NHSL3: variants seen among roughly 807,000 people sequenced by gnomAD.
NHSL3 encodes NHS-like protein 3.
At chr1:32,748,258 G>A in the NHSL3 span, among the ~76,000 whole-genome samples, 4 of 152,114 alleles carry the variant, frequency 2.6e-5, no homozygotes, top group East Asian at 1.9e-4. Flanking sequence ...CAGCCTGGGC[G>A]ACGGGAGTTC....
chr1:32,756,541 C>T, the NHSL3 span, among the ~76,000 whole-genome samples: 2 of 126,708 alleles, frequency 1.6e-5, no homozygotes, highest in Non-Finnish European at 3.1e-5. Flanking sequence ...TGCCTTTGGT[C>T]CCAGTAGCTT....
chr1:32,748,826 A>G, the NHSL3 span, among the ~76,000 whole-genome samples: 1 of 152,112 alleles, frequency 6.6e-6, no homozygotes, highest in Non-Finnish European at 1.5e-5. Flanking sequence ...TAAGAATGTG[A>G]CATTTTGGCT....
the NHSL3 span, among the ~76,000 whole-genome samples, chr1:32,751,825 C>G: frequency 9.2e-5 from 14 of 152,246 alleles, no homozygotes; most frequent in African/African-American, 2.2e-4. Context: ...AGATTCTCAT[C>G]TCAGAGATGA....
chr1:32,755,214 G>A, the NHSL3 span, among the ~76,000 whole-genome samples: 21 of 152,222 alleles, frequency 1.4e-4, no homozygotes, highest in Admixed American at 3.3e-4. Flanking sequence ...GGGAAGGGCA[G>A]GGTGATGGTA....
At chr1:32,771,138 C>T in the NHSL3 span, 1 of 1,613,048 alleles carries the variant, frequency 6.2e-7, no homozygotes, top group South Asian at 1.1e-5. Context: ...TATTGACCCC[C>T]CTGGGTGACA....
the NHSL3 span, chr1:32,772,038 C>T: frequency 7.3e-5 from 117 of 1,604,872 alleles, 1 homozygote; most frequent in South Asian, 3.9e-4. Flanking sequence ...CTCAGCCCAA[C>T]GGACCGCCTG....
chr1:32,767,835 AGG>A, the NHSL3 span: 1 of 1,613,778 alleles, frequency 6.2e-7, no homozygotes, highest in Non-Finnish European at 8.5e-7. Context: ...GGGCCTGGCC[AGG>A]GGCCAGGGTC....
the NHSL3 span, chr1:32,772,291 T>TTAA: frequency 2.2e-6 from 2 of 902,610 alleles, no homozygotes; most frequent in Non-Finnish European, 3.2e-6. Flanking sequence ...CCCACCCGCC[T>TTAA]CCCCCAGTTA....
At chr1:32,749,069 A>G in the NHSL3 span, among the ~76,000 whole-genome samples, 1 of 152,068 alleles carries the variant, frequency 6.6e-6, no homozygotes, top group Admixed American at 6.6e-5. Context: ...TATAGGGGGG[A>G]AAATACGCTG....
chr1:32,770,406 ATCC>A, the NHSL3 span: 6 of 1,607,586 alleles, frequency 3.7e-6, no homozygotes, highest in South Asian at 5.5e-5. This position sits in a 1 kb window ranked among gnomAD's most constrained non-coding sequence, Gnocchi z 8.3. Flanking sequence ...GCCGCCACCC[ATCC>A]TCCTCCAGTG....
chr1:32,766,275 G>T, the NHSL3 span, among the ~76,000 whole-genome samples: 1 of 152,118 alleles, frequency 6.6e-6, no homozygotes, highest in Non-Finnish European at 1.5e-5. Flanking sequence ...AGTTTTGGAG[G>T]GAGGGGCCTG....
chr1:32,768,932 C>G, the NHSL3 span: 28 of 954,576 alleles, frequency 2.9e-5, no homozygotes, highest in Admixed American at 3.4e-4. Context: ...GTGATACACA[C>G]TAACTATAAA....
chr1:32,753,378 G>T, the NHSL3 span, among the ~76,000 whole-genome samples: 1 of 151,796 alleles, frequency 6.6e-6, no homozygotes, highest in Non-Finnish European at 1.5e-5. Flanking sequence ...CCAGCTACTC[G>T]GGAGGCTGAG....
chr1:32,754,833 G>A, the NHSL3 span, among the ~76,000 whole-genome samples: 1 of 152,162 alleles, frequency 6.6e-6, no homozygotes, highest in South Asian at 2.1e-4. Context: ...GGAGTCTGGG[G>A]ACCGCCTCCA....
chr1:32,755,136 G>A, the NHSL3 span, among the ~76,000 whole-genome samples: 1 of 152,380 alleles, frequency 6.6e-6, no homozygotes, highest in Non-Finnish European at 1.5e-5. Flanking sequence ...GGCAGTTCAG[G>A]GTATCCCCGA....
At chr1:32,767,695 C>A in the NHSL3 span, 3 of 1,126,498 alleles carry the variant, frequency 2.7e-6, no homozygotes, top group Admixed American at 2.3e-5. Flanking sequence ...CGTGTGCAGT[C>A]TGGGGACCAT....
the NHSL3 span, chr1:32,742,186 C>T: frequency 1.6e-6 from 2 of 1,246,766 alleles, no homozygotes; most frequent in Non-Finnish European, 2.0e-6. Flanking sequence ...GGGCAAAGGC[C>T]GAGGTAAGGC....
the NHSL3 span, among the ~76,000 whole-genome samples, chr1:32,745,057 C>T: frequency 2.7e-5 from 4 of 147,976 alleles, no homozygotes; most frequent in Non-Finnish European, 5.9e-5. Context: ...ACTCGGGAGG[C>T]GGAGGTTGCA....
the NHSL3 span, chr1:32,771,166 C>A: frequency 6.2e-7 from 1 of 1,611,882 alleles, no homozygotes; most frequent in Non-Finnish European, 8.5e-7. Context: ...CATACCTCCT[C>A]ACCCCAAGGT....
Sources: allele counts gnomAD v4.1 joint callset (sites outside exome capture counted in the v4.1 genomes callset), GRCh38; gene constraint gnomAD v4.1.1; non-coding constraint Gnocchi (gnomAD v3.1); transcripts MANE v1.5; gene names NCBI Gene and HGNC (gene_info 2026-07-23, HGNC 2026-07-21).